The following SPARCL1 variants were observed in gnomAD, a reference collection of about 807,000 sequenced individuals.
The protein encoded by SPARCL1 is SPARC like 1.
A neutral mutation model predicts 67.1 loss-of-function variants in SPARCL1; 52 were observed. That is an observed-to-expected ratio of 0.78 (90% CI 0.62 to 0.98). SPARCL1 has a LOEUF of 0.98. SPARCL1 is among the 50% of genes least tolerant of loss of function. The pLI, the probability that SPARCL1 is intolerant of heterozygous loss-of-function variation, is 0.00. For missense variants in SPARCL1, 717 were observed against 782.4 expected (o/e 0.92, Z 1.00); for synonymous variants, 226 against 267.8 (o/e 0.84, Z 1.52).
In SPARCL1 at chr4:87,493,511, C is replaced by T. The variant is rs889862846; in HGVS notation, c.1218+71G>A. 91 of 1,387,730 alleles carry T rather than the reference C, an allele frequency of 6.6e-5. 1 individual carries two copies. The highest frequency in any genetic ancestry group is 2.0e-4 in the Admixed American group (9 of 45,572). 86.0% of individuals were successfully genotyped at this position (1,387,730 alleles called of 1,614,324 possible). A position where few individuals can be genotyped will look rare whatever the true frequency, so the allele number is the denominator to read the frequency against. ...ATCCATACAGGACACTGTGAGAGCA[C>T]AGAGAAAGGTCATGACTGTTTATTG... is the stretch of plus-strand genomic sequence containing the variant. On this transcript the variant is annotated intron_variant, in intron 4 of 10. Coordinates refer to ENST00000282470, the MANE Select transcript of SPARCL1 (RefSeq NM_004684.6).
rs370233842 is a variant in SPARCL1 at position 87,510,640 on chromosome 4, GA to G, written c.-11-11056del. 3.2e-3 allele frequency among the ~76,000 whole-genome samples: 486 copies of G among 150,266 alleles called. 5 individuals are homozygous for G. The highest frequency in any genetic ancestry group is 0.011 in the African/African-American group (457 of 41,036). ...TCCACTGAGAGCCGCTTTCGTCACT[GA>G]AAAAAAAAATTCTCCACATTCGCCA... On this transcript the variant is annotated intron_variant, in intron 1 of 10. Coordinates refer to ENST00000282470, the MANE Select transcript of SPARCL1 (RefSeq NM_004684.6).
chr4:87,528,572 A>G (rs1726149070), intron 1 of SPARCL1: 1 of 152,202 alleles, frequency 6.6e-6, no homozygotes, highest in Non-Finnish European at 1.5e-5. Flanking sequence ...AAAAGCAAAA[A>G]GTTCCGTTTC....
At chr4:87,503,932 G>A (rs1213635844) in intron 1 of SPARCL1, among the ~76,000 whole-genome samples, 1 of 151,704 alleles carries the variant, frequency 6.6e-6, no homozygotes, top group Non-Finnish European at 1.5e-5. Context: ...CACCTGCCTC[G>A]GCCTCTCAAA....
intron 7 of SPARCL1, among the ~76,000 whole-genome samples, chr4:87,483,301 T>G (rs762286855): frequency 1.4e-4 from 22 of 152,308 alleles, no homozygotes; most frequent in Non-Finnish European, 2.1e-4. Context: ...GTGTTTTCAC[T>G]GTTCAACTCC....
At position 87,515,930 on chromosome 4, in the gene SPARCL1, C is replaced by T. The variant is rs140614120; in HGVS notation, c.-12+13115G>A. ...GGTAGAGATTGCTATAAATTCTTTG[C>T]TATTTCTCCTGTTGAGAGGTGGAGT... is the stretch of plus-strand genomic sequence containing the variant. On this transcript the variant is annotated intron_variant, in intron 1 of 10. Coordinates refer to ENST00000282470, the MANE Select transcript of SPARCL1 (RefSeq NM_004684.6). 5.3e-5 allele frequency among the ~76,000 whole-genome samples: 8 copies of T among 152,272 alleles called. No homozygotes were observed. The East Asian group carries it at 1.3e-3, about 26-fold the overall frequency.
chr4:87,491,697 A>G lies in SPARCL1; in HGVS notation c.1219-7T>C. ...AGTTCTCTGCTTTCTTGGCCTTTAG[A>G]ATAACAAGAGCAAAAGTTAAAATCT... On this transcript the variant is annotated splice_region_variant and splice_polypyrimidine_tract_variant and intron_variant, in intron 4 of 10. Coordinates refer to ENST00000282470, the MANE Select transcript of SPARCL1 (RefSeq NM_004684.6). 1.2e-6 allele frequency: 2 copies of G among 1,608,218 alleles called. No homozygotes were observed. Among genetic ancestry groups the G allele is most frequent in the Non-Finnish European group, 1.7e-6 (2 of 1,174,876 alleles).
chr4:87,474,743 CT>C (rs11397474), intron 10 of SPARCL1, among the ~76,000 whole-genome samples: 1,544 of 130,670 alleles, frequency 0.012, 24 homozygotes, highest in African/African-American at 0.04. Context: ...CTCTCTCTCT[CT>C]TTTTTTTTTT....
At chr4:87,483,115 C>T (rs1273932877) in intron 7 of SPARCL1, among the ~76,000 whole-genome samples, 2 of 141,278 alleles carry the variant, frequency 1.4e-5, no homozygotes, top group Non-Finnish European at 3.1e-5. Context: ...ACTTTAAGTT[C>T]TGAGATACAT....
At chr4:87,481,146 T>C (rs909484852) in intron 8 of SPARCL1, among the ~76,000 whole-genome samples, 2 of 152,196 alleles carry the variant, frequency 1.3e-5, no homozygotes, top group African/African-American at 4.8e-5. Context: ...ACTGAGTAAT[T>C]GGAAGCAAAC....
chr4:87,503,055 AG>A (rs1421980127), intron 1 of SPARCL1, among the ~76,000 whole-genome samples: 1 of 152,174 alleles, frequency 6.6e-6, no homozygotes, highest in African/African-American at 2.4e-5. Flanking sequence ...CTTAGTCCCT[AG>A]GTTTCTGTAT....
intron 1 of SPARCL1, among the ~76,000 whole-genome samples, chr4:87,526,762 G>A (rs948941026): frequency 6.6e-6 from 1 of 152,196 alleles, no homozygotes; most frequent in Non-Finnish European, 1.5e-5. Context: ...TCTAGAGTCA[G>A]TTCCCGTTCT....
intron 4 of SPARCL1, among the ~76,000 whole-genome samples, 172 bp downstream of exon 4, chr4:87,493,408 CAG>C (rs2110228056): frequency 6.6e-6 from 1 of 152,292 alleles, no homozygotes; most frequent in South Asian, 2.1e-4. Context: ...TCAAATAAAA[CAG>C]GCATTCTCAG....
chr4:87,479,567 T>A lies in SPARCL1; in HGVS notation c.1829A>T (p.His610Leu). 1 of 1,614,094 alleles carries A rather than the reference T, an allele frequency of 6.2e-7. No homozygotes were observed. The highest frequency in any genetic ancestry group is 1.1e-5 in the South Asian group (1 of 91,064). The change falls in exon 10 of 11, where the codon CAT (histidine) becomes CTT (leucine). Residue 610 changes from histidine to leucine, a missense_variant. Physicochemically the swap from His to Leu is moderately conservative, Grantham distance 99. Coordinates refer to ENST00000282470, the MANE Select transcript of SPARCL1 (RefSeq NM_004684.6). ...DQHPMDRVLT[H>L]SELAPLRASL... ...TGCTCGCAGAGGAGCAAGTTCAGAATGTGTCAAGACTCTGCAATGAAATAC... is the reference window on the plus strand; with the variant it reads ...TGCTCGCAGAGGAGCAAGTTCAGAAAGTGTCAAGACTCTGCAATGAAATAC...
chr4:87,525,076 T>G (rs977400581), intron 1 of SPARCL1, among the ~76,000 whole-genome samples: 1 of 151,226 alleles, frequency 6.6e-6, no homozygotes, highest in African/African-American at 2.4e-5. Context: ...GGCACAAGAA[T>G]CACTTGAACT....
intron 2 of SPARCL1, among the ~76,000 whole-genome samples, chr4:87,496,699 C>T (rs1315022012): frequency 2.0e-5 from 3 of 152,168 alleles, no homozygotes; most frequent in Non-Finnish European, 4.4e-5. Flanking sequence ...TGCCCAGTAT[C>T]TGAGGCAGAT....
At chr4:87,525,957 A>T (rs2110271724) in intron 1 of SPARCL1, among the ~76,000 whole-genome samples, 1 of 152,328 alleles carries the variant, frequency 6.6e-6, no homozygotes, top group East Asian at 1.9e-4. Flanking sequence ...AAAAACAAAA[A>T]AAAGACTCTT....
At chr4:87,492,693 A>T (rs114330019) in intron 4 of SPARCL1, among the ~76,000 whole-genome samples, 1,897 of 152,274 alleles carry the variant, frequency 0.012, 33 homozygotes, top group African/African-American at 0.043. Flanking sequence ...TTAAGGTATA[A>T]GAAAACTCCT....
chr4:87,507,582 G>T (rs964301772), intron 1 of SPARCL1, among the ~76,000 whole-genome samples: 1 of 152,150 alleles, frequency 6.6e-6, no homozygotes. Flanking sequence ...CTCACACCAC[G>T]CTACAATCAA....
chr4:87,508,780 ATATG>A (rs1369833177), intron 1 of SPARCL1, among the ~76,000 whole-genome samples: 11 of 114,024 alleles, frequency 9.6e-5, no homozygotes, highest in Admixed American at 1.7e-4. Flanking sequence ...TGGATGAAAC[ATATG>A]TGTGTGTGTG....
Sources: allele counts gnomAD v4.1 joint callset (sites outside exome capture counted in the v4.1 genomes callset), GRCh38; gene constraint gnomAD v4.1.1; transcripts MANE v1.5; gene names NCBI Gene and HGNC (gene_info 2026-07-23, HGNC 2026-07-21).